ANO2: variants seen among roughly 807,000 people sequenced by gnomAD.
The protein encoded by ANO2 is anoctamin-2.
A neutral mutation model predicts 124.2 loss-of-function variants in ANO2; 101 were observed. The observed-to-expected ratio is 0.81, with a 90% confidence interval of 0.69 to 0.96. The LOEUF is 0.96. ANO2 is among the 40% of genes least tolerant of loss of function. The probability of loss-of-function intolerance (pLI) is 0.00; values close to 1 mark genes in which losing one functional copy is unlikely to be tolerated. For synonymous variants in ANO2, 486 were observed against 482.5 expected, an observed-to-expected ratio of 1.01 and a Z score of -0.09; for missense variants, 1,293 against 1,274.5, an observed-to-expected ratio of 1.01 and a Z score of -0.22.
Position 5,921,142 on chromosome 12 carries a change from C to T in ANO2, c.432G>A (p.Glu144=), listed in dbSNP as rs751166598. 1.9e-6 allele frequency: 3 copies of T among 1,613,898 alleles called. No individual in the cohort carries two copies. The African/African-American group carries it at 4.0e-5, about 22-fold the overall frequency. ...EPHAGGPGDI[E]LGPLDALEEE... ...CCTCCAGGGCATCGAGCGGTCCCAG[C>T]TCAATGTCACCTGGGCCCCCAGCAT... The change falls in exon 3 of 25, where the codon GAG becomes GAA. Residue 144 remains glutamate, a synonymous_variant. Transcript: ENST00000682330.
intron 19 of ANO2, 67 bp downstream of exon 19, chr12:5,612,589 G>T: frequency 7.3e-7 from 1 of 1,369,490 alleles, no homozygotes; most frequent in Non-Finnish European, 1.0e-6. Flanking sequence ...AAAACCTGCT[G>T]AAAGGCTGGC....
intron 3 of ANO2, among the ~76,000 whole-genome samples, chr12:5,861,184 A>G (rs1464186710): frequency 6.6e-6 from 1 of 152,188 alleles, no homozygotes; most frequent in Non-Finnish European, 1.5e-5. Flanking sequence ...AAGCATAGAC[A>G]TACAGCTAAT....
At chr12:5,719,863 G>A (rs1950158014) in intron 14 of ANO2, among the ~76,000 whole-genome samples, 1 of 152,134 alleles carries the variant, frequency 6.6e-6, no homozygotes, top group Non-Finnish European at 1.5e-5. Flanking sequence ...TAACCTGATT[G>A]ACCAAGCACC....
intron 14 of ANO2, among the ~76,000 whole-genome samples, chr12:5,697,500 A>G (rs1180042199): frequency 6.6e-6 from 1 of 152,256 alleles, no homozygotes; most frequent in African/African-American, 2.4e-5. Context: ...GAATAGGAAC[A>G]GCTCCAGTCT....
chr12:5,878,804 C>A (rs961215050), intron 3 of ANO2, among the ~76,000 whole-genome samples: 4 of 152,160 alleles, frequency 2.6e-5, no homozygotes, highest in Non-Finnish European at 5.9e-5. Flanking sequence ...AAAGGCAGCA[C>A]TGAGATGTGA....
At chr12:5,934,528 A>T (rs1444502038) in intron 1 of ANO2, among the ~76,000 whole-genome samples, 1 of 152,240 alleles carries the variant, frequency 6.6e-6, no homozygotes, top group Non-Finnish European at 1.5e-5. Flanking sequence ...GACAAAATTT[A>T]CAAATTGGGA....
chr12:5,580,229 T>TA (rs970184020), intron 20 of ANO2, among the ~76,000 whole-genome samples: 3 of 152,240 alleles, frequency 2.0e-5, no homozygotes, highest in African/African-American at 7.2e-5. Flanking sequence ...GGGTAAATGA[T>TA]ATTACATACA....
intron 16 of ANO2, among the ~76,000 whole-genome samples, chr12:5,631,055 G>A (rs1449856697): frequency 2.0e-5 from 3 of 152,170 alleles, no homozygotes; most frequent in Non-Finnish European, 4.4e-5. Context: ...CTGCCTGATC[G>A]CACTAGATAT....
Position 5,563,121 on chromosome 12 carries a change from C to A in ANO2, c.*178G>T. 1.2e-6 allele frequency: 1 copy of A among 864,980 alleles called. No individual in the cohort carries two copies. Among genetic ancestry groups the A allele is most frequent in the Non-Finnish European group, 1.7e-6 (1 of 582,220 alleles). The allele number at this position is 864,980 out of a possible 1,614,324, so 53.6% of individuals were successfully genotyped here. On this transcript the variant is annotated 3_prime_UTR_variant, in exon 25 of 25. Coordinates refer to ENST00000682330, the MANE Select transcript of ANO2 (RefSeq NM_001364791.2). ...AAGTTTCTGAGATGTAGCATCATTT[C>A]TCTTCCTTCCTACACTCATTCTGTC...
At chr12:5,717,713 G>A (rs1386797873) in intron 14 of ANO2, among the ~76,000 whole-genome samples, 1 of 152,180 alleles carries the variant, frequency 6.6e-6, no homozygotes, top group Non-Finnish European at 1.5e-5. Flanking sequence ...ACTGTAGGCA[G>A]GAGCCTAGGA....
Position 5,851,982 on chromosome 12 carries a change from G to A in ANO2, c.633+2061C>T, listed in dbSNP as rs1954926765. 8 of 733,362 alleles carry A rather than the reference G, an allele frequency of 1.1e-5. No individual in the cohort carries two copies. The East Asian group carries it at 2.0e-4, about 18-fold the overall frequency. The allele number at this position is 733,362 out of a possible 1,614,324, so 45.4% of individuals were successfully genotyped here. On this transcript the variant is annotated intron_variant, in intron 4 of 24. Transcript: ENST00000682330. ...CTCCTTTCCAAGGATCAGCAGCAGA[G>A]ATTAAAACATAGGAAACAAGACACA...
At chr12:5,888,779 T>A (rs556721428) in intron 3 of ANO2, among the ~76,000 whole-genome samples, 704 of 152,126 alleles carry the variant, frequency 4.6e-3, no homozygotes, top group African/African-American at 0.017. Context: ...ATCCCTTAGC[T>A]GGACATAAAG....
At chr12:5,810,575 C>A (rs919338111) in intron 7 of ANO2, among the ~76,000 whole-genome samples, 1 of 152,170 alleles carries the variant, frequency 6.6e-6, no homozygotes, top group Non-Finnish European at 1.5e-5. Context: ...GAGACCCAAC[C>A]TTTTGTCCTG....
Position 5,933,117 on chromosome 12 carries a change from G to A in ANO2, c.23-10313C>T, listed in dbSNP as rs946348534. Among the ~76,000 whole-genome samples, 5 of 152,114 alleles carry A rather than the reference G, an allele frequency of 3.3e-5. No homozygotes were observed. In the East Asian group the frequency reaches 7.7e-4, roughly 24 times the overall value. On this transcript the variant is annotated intron_variant, in intron 1 of 24. Coordinates refer to ENST00000682330, the MANE Select transcript of ANO2 (RefSeq NM_001364791.2). ...GGTGAGATTTGAGGGGCACAGAAAG[G>A]GCCCTATCTGGTGTATAGTGCACAC...
chr12:5,857,247 G>A (rs1411782057), intron 3 of ANO2, among the ~76,000 whole-genome samples: 1 of 152,248 alleles, frequency 6.6e-6, no homozygotes, highest in African/African-American at 2.4e-5. Context: ...TTTAGGCATA[G>A]TAGGGGAGTG....
chr12:5,621,651 C>T (rs1945124375), intron 16 of ANO2, among the ~76,000 whole-genome samples: 1 of 152,154 alleles, frequency 6.6e-6, no homozygotes, highest in African/African-American at 2.4e-5. Flanking sequence ...TCCACAGAAT[C>T]TTCAATCATG....
chr12:5,623,149 C>T (rs1292331252), intron 16 of ANO2, among the ~76,000 whole-genome samples: 1 of 151,974 alleles, frequency 6.6e-6, no homozygotes, highest in Non-Finnish European at 1.5e-5. Context: ...TGAATCTCAA[C>T]CCCATGAAAA....
At chr12:5,808,455 G>A (rs778768608) in intron 7 of ANO2, among the ~76,000 whole-genome samples, 1 of 152,108 alleles carries the variant, frequency 6.6e-6, no homozygotes, top group Non-Finnish European at 1.5e-5. Context: ...TTCCAGATGG[G>A]AGGGATTATG....
chr12:5,642,936 G>C (rs1014846274), intron 15 of ANO2, among the ~76,000 whole-genome samples: 2 of 152,056 alleles, frequency 1.3e-5, no homozygotes, highest in Admixed American at 1.3e-4. Flanking sequence ...CATGTGGCTG[G>C]CTCCTCCACC....
Sources: allele counts gnomAD v4.1 joint callset (sites outside exome capture counted in the v4.1 genomes callset), GRCh38; gene constraint gnomAD v4.1.1; transcripts MANE v1.5; gene names NCBI Gene and HGNC (gene_info 2026-07-23, HGNC 2026-07-21).